Variants in SPMIP3 observed in about 807,000 individuals in gnomAD.
SPMIP3 encodes sperm microtubule inner protein 3, also known as protein SPMIP3.
the SPMIP3 span, among the ~76,000 whole-genome samples, chr1:244,365,651 TAG>T: frequency 9.2e-5 from 14 of 152,182 alleles, no homozygotes; most frequent in African/African-American, 3.4e-4. Context: ...GCATCCAACA[TAG>T]AGTTGCTCTA....
the SPMIP3 span, among the ~76,000 whole-genome samples, chr1:244,367,999 C>T: frequency 3.2e-4 from 49 of 152,226 alleles, no homozygotes; most frequent in Non-Finnish European, 5.6e-4. Flanking sequence ...CTTGCGCTGT[C>T]ACCCAGGCTG....
chr1:244,364,887 G>T, the SPMIP3 span: 1 of 991,754 alleles, frequency 1.0e-6, no homozygotes, highest in Non-Finnish European at 1.6e-6. Flanking sequence ...GAAGCTCTTT[G>T]GATATTTCCT....
the SPMIP3 span, among the ~76,000 whole-genome samples, chr1:244,379,977 A>T: frequency 6.9e-6 from 1 of 145,768 alleles, no homozygotes; most frequent in Non-Finnish European, 1.5e-5. Flanking sequence ...AAAAAAAAAA[A>T]TACTGAAAGG....
At chr1:244,372,482 C>T in the SPMIP3 span, among the ~76,000 whole-genome samples, 9 of 149,820 alleles carry the variant, frequency 6.0e-5, no homozygotes, top group South Asian at 2.1e-4. Flanking sequence ...CTCACTCTGT[C>T]CCCCAGGCTG....
the SPMIP3 span, among the ~76,000 whole-genome samples, chr1:244,365,966 G>A: frequency 6.6e-6 from 1 of 152,054 alleles, no homozygotes; most frequent in Non-Finnish European, 1.5e-5. Flanking sequence ...AGAATAACAA[G>A]CCCTAGATCT....
chr1:244,378,546 T>C, the SPMIP3 span: 2 of 1,613,490 alleles, frequency 1.2e-6, no homozygotes, highest in Non-Finnish European at 1.7e-6. Flanking sequence ...ACTCATTCGA[T>C]ATATTTGTCT....
At chr1:244,387,286 C>A in the SPMIP3 span, among the ~76,000 whole-genome samples, 1 of 149,772 alleles carries the variant, frequency 6.7e-6, no homozygotes, top group Non-Finnish European at 1.5e-5. Context: ...CGACAGAGTA[C>A]GACTCCGTCT....
the SPMIP3 span, among the ~76,000 whole-genome samples, chr1:244,360,092 A>G: frequency 6.6e-6 from 1 of 151,980 alleles, no homozygotes; most frequent in Non-Finnish European, 1.5e-5. Flanking sequence ...CTGGCAACAG[A>G]GCGAGACGCC....
At chr1:244,373,332 T>TTATTTATATATA in the SPMIP3 span, among the ~76,000 whole-genome samples, 1 of 85,148 alleles carries the variant, frequency 1.2e-5, no homozygotes. Flanking sequence ...CAAAAAAAAA[T>TTATTTATATATA]TATATATATA....
At chr1:244,371,815 G>A in the SPMIP3 span, among the ~76,000 whole-genome samples, 8 of 152,196 alleles carry the variant, frequency 5.3e-5, no homozygotes, top group Non-Finnish European at 1.2e-4. Context: ...AGAAAGCTAC[G>A]TGTCCCACCC....
chr1:244,379,788 T>C, the SPMIP3 span, among the ~76,000 whole-genome samples: 3 of 152,054 alleles, frequency 2.0e-5, no homozygotes, highest in Non-Finnish European at 4.4e-5. Context: ...AGCACCAGCC[T>C]GCCCAACATG....
chr1:244,367,378 G>C, the SPMIP3 span, among the ~76,000 whole-genome samples: 1 of 152,288 alleles, frequency 6.6e-6, no homozygotes, highest in Admixed American at 6.5e-5. Context: ...CAGAGAGCAG[G>C]GGGAGGCAAT....
At chr1:244,356,327 G>A in the SPMIP3 span, among the ~76,000 whole-genome samples, 7 of 152,192 alleles carry the variant, frequency 4.6e-5, no homozygotes, top group African/African-American at 7.2e-5. Flanking sequence ...ATTTTACCAC[G>A]AATGGGTCAA....
the SPMIP3 span, chr1:244,375,071 AC>A: frequency 5.4e-6 from 1 of 184,224 alleles, no homozygotes; most frequent in African/African-American, 2.3e-5. Context: ...TGAACCTAAT[AC>A]CTGATATGTT....
the SPMIP3 span, among the ~76,000 whole-genome samples, chr1:244,373,064 T>C: frequency 6.6e-6 from 1 of 152,006 alleles, no homozygotes; most frequent in African/African-American, 2.4e-5. Context: ...GCAGTCTTTC[T>C]GCTTTTAGTC....
chr1:244,373,276 C>G, the SPMIP3 span, among the ~76,000 whole-genome samples: 1 of 138,666 alleles, frequency 7.2e-6, no homozygotes, highest in Non-Finnish European at 1.6e-5. Flanking sequence ...TGTCATGAAC[C>G]TTGTTAAACA....
the SPMIP3 span, among the ~76,000 whole-genome samples, chr1:244,363,567 C>A: frequency 3.9e-5 from 6 of 152,026 alleles, no homozygotes; most frequent in Non-Finnish European, 8.8e-5. Context: ...TGGGTGGGGC[C>A]CCCAGGAGGC....
chr1:244,388,263 C>CA, the SPMIP3 span, among the ~76,000 whole-genome samples: 1 of 151,844 alleles, frequency 6.6e-6, no homozygotes, highest in Admixed American at 6.6e-5. Flanking sequence ...ATCATACCTG[C>CA]AAAAAATATT....
the SPMIP3 span, among the ~76,000 whole-genome samples, chr1:244,358,704 T>C: frequency 6.6e-6 from 1 of 152,096 alleles, no homozygotes; most frequent in Non-Finnish European, 1.5e-5. Flanking sequence ...CATGGATGGT[T>C]CTAATATTGT....
Sources: allele counts gnomAD v4.1 joint callset (sites outside exome capture counted in the v4.1 genomes callset), GRCh38; gene constraint gnomAD v4.1.1; transcripts MANE v1.5; gene names NCBI Gene and HGNC (gene_info 2026-07-23, HGNC 2026-07-21).